Variants in PRKCI observed in about 807,000 individuals in gnomAD.
The protein encoded by PRKCI is protein kinase C iota type.
PRKCI carries 43 observed loss-of-function variants against 84.0 expected under a neutral mutation model. The ratio of observed to expected loss-of-function variants is 0.51; its 90% CI spans 0.40 to 0.66. The LOEUF (loss-of-function observed/expected upper bound fraction) is 0.66, where lower values mean the gene tolerates loss of function less well. Among genes scored for constraint, PRKCI ranks in the 30% least tolerant of loss-of-function variants. The pLI, the probability that PRKCI is intolerant of heterozygous loss-of-function variation, is 0.00. For synonymous variants in PRKCI, 216 were observed against 234.4 expected (o/e 0.92, Z 0.72); for missense variants, 459 against 745.6 (o/e 0.62, Z 4.48).
At chr3:170,301,956 A>G (rs1163496596) in intron 17 of PRKCI, among the ~76,000 whole-genome samples, 1 of 152,146 alleles carries the variant, frequency 6.6e-6, no homozygotes, top group Non-Finnish European at 1.5e-5. Context: ...TAATACAAAC[A>G]GTGTTCTGAT....
Position 170,284,487 on chromosome 3 carries a change from C to G in PRKCI, c.1094C>G (p.Ala365Gly), listed in dbSNP as rs770485461. 51 of 1,590,226 alleles carry G rather than the reference C, an allele frequency of 3.2e-5. No homozygotes were observed. Among genetic ancestry groups the G allele is most frequent in the Admixed American group, 3.2e-4 (19 of 59,650 alleles). The part of the protein sequence containing the change: ...ARFYSAEISL[A>G]LNYLHERGII... ...TTTTACTCTGCAGAAATCAGTCTAG[C>G]ATTAAATTATCTTCATGAGCGAGGG... Residue 365 changes from alanine to glycine, a missense_variant, in exon 12 of 18, where the codon GCA becomes GGA. This residue lies in a region of PRKCI where 209 missense variants were observed against 425.9 expected (regional missense o/e 0.49). Coordinates refer to ENST00000295797, the MANE Select transcript of PRKCI (RefSeq NM_002740.6).
chr3:170,235,113 A>G, intron 1 of PRKCI, 117 bp from the exon 2 acceptor site: 7 of 1,045,036 alleles, frequency 6.7e-6, no homozygotes, highest in Middle Eastern at 6.2e-4. Context: ...TGAAAGCAAT[A>G]CATGTTGATG....
At chr3:170,289,047 A>G (rs1734471087) in intron 12 of PRKCI, among the ~76,000 whole-genome samples, 1 of 152,194 alleles carries the variant, frequency 6.6e-6, no homozygotes, top group African/African-American at 2.4e-5. Context: ...TTTCATCAAC[A>G]GAGGAATTCT....
intron 2 of PRKCI, among the ~76,000 whole-genome samples, chr3:170,247,094 GAC>G (rs1230219644): frequency 6.6e-6 from 1 of 152,022 alleles, no homozygotes; most frequent in East Asian, 1.9e-4. Context: ...TTGTTTTGGA[GAC>G]AGAGTCTTTG....
At chr3:170,228,146 A>C (rs974838411) in intron 1 of PRKCI, among the ~76,000 whole-genome samples, 1 of 152,226 alleles carries the variant, frequency 6.6e-6, no homozygotes, top group Non-Finnish European at 1.5e-5. Flanking sequence ...AGAATGGAGC[A>C]ATTATTTATT....
intron 2 of PRKCI, among the ~76,000 whole-genome samples, chr3:170,242,902 G>C (rs140226107): frequency 0.037 from 5,658 of 151,936 alleles, 183 homozygotes; most frequent in East Asian, 0.085. Flanking sequence ...AACTCCAGAC[G>C]TCAGGTGATC....
At chr3:170,248,999 C>T (rs1412118375) in intron 2 of PRKCI, among the ~76,000 whole-genome samples, 4 of 151,960 alleles carry the variant, frequency 2.6e-5, no homozygotes, top group East Asian at 1.9e-4. Flanking sequence ...AGGTGCCCGC[C>T]GCCACGCTTG....
chr3:170,248,362 T>A (rs1445853477), intron 2 of PRKCI, among the ~76,000 whole-genome samples: 1 of 96,424 alleles, frequency 1.0e-5, no homozygotes, highest in Admixed American at 1.1e-4. Context: ...ACAAAAACAG[T>A]AGATATATTG....
At chr3:170,236,136 C>G (rs1732970355) in intron 2 of PRKCI, among the ~76,000 whole-genome samples, 1 of 149,156 alleles carries the variant, frequency 6.7e-6, no homozygotes, top group Non-Finnish European at 1.5e-5. Context: ...GAGTCTGGCT[C>G]TGTCGCCCAG....
chr3:170,233,785 A>T (rs1019396291), intron 1 of PRKCI, among the ~76,000 whole-genome samples: 3 of 152,126 alleles, frequency 2.0e-5, no homozygotes, highest in African/African-American at 7.2e-5. Flanking sequence ...CAGTGACGCA[A>T]TCACGGCTCA....
chr3:170,229,501 G>A (rs3794322), intron 1 of PRKCI, among the ~76,000 whole-genome samples: 3,251 of 152,212 alleles, frequency 0.021, 60 homozygotes, highest in East Asian at 0.1. Flanking sequence ...TGTTTTGTAG[G>A]GACGGGGCTG....
At chr3:170,256,229 C>G (rs1216168565) in intron 2 of PRKCI, among the ~76,000 whole-genome samples, 1 of 152,174 alleles carries the variant, frequency 6.6e-6, no homozygotes. Flanking sequence ...CCCTCCTCCT[C>G]CATATTTTGG....
intron 2 of PRKCI, among the ~76,000 whole-genome samples, chr3:170,257,662 ATTTTTTT>A (rs11362547): frequency 8.2e-6 from 1 of 121,790 alleles, no homozygotes; most frequent in Non-Finnish European, 1.7e-5. Context: ...GGGAAAGAGA[ATTTTTTT>A]TTTTTTTTTT....
At chr3:170,240,675 A>G (rs879345188) in intron 2 of PRKCI, among the ~76,000 whole-genome samples, 1 of 152,194 alleles carries the variant, frequency 6.6e-6, no homozygotes, top group Non-Finnish European at 1.5e-5. Context: ...TGGAGAAAAA[A>G]AATTCTCTAG....
At position 170,281,909 on chromosome 3, in the gene PRKCI, T is replaced by C; in HGVS notation, c.1008T>C (p.Asn336=). 6.2e-7 allele frequency: 1 copy of C among 1,611,324 alleles called. No individual in the cohort carries two copies. The highest frequency in any genetic ancestry group is 8.5e-7 in the Non-Finnish European group (1 of 1,178,728). ...SRLFFVIEYV[N]GGDLMFHMQR... is the part of the protein sequence containing the mutation. ...TGTTCTTTGTTATAGAGTATGTAAA[T>C]GGAGGAGACCTAATGTTTCATATGC... Residue 336 remains asparagine (N), a synonymous_variant, in exon 11 of 18, where the codon AAT becomes AAC. Coordinates refer to ENST00000295797, the MANE Select transcript of PRKCI (RefSeq NM_002740.6).
intron 1 of PRKCI, among the ~76,000 whole-genome samples, chr3:170,224,910 C>T (rs1000261847): frequency 1.3e-4 from 20 of 152,166 alleles, no homozygotes; most frequent in African/African-American, 4.6e-4. Context: ...TCTATTTTCC[C>T]ATTTGTATTA....
rs193157427 is a variant in PRKCI, at chr3:170,288,969, A to G, written c.1204-2885A>G. Among the ~76,000 whole-genome samples, 85 of 152,318 alleles carry G rather than the reference A, an allele frequency of 5.6e-4. 1 individual carries two copies. Among genetic ancestry groups the G allele is most frequent in the African/African-American group, 1.9e-3 (81 of 41,564 alleles). On this transcript the variant is annotated intron_variant, in intron 12 of 17. Transcript: ENST00000295797. ...TTTAGAGTTATGTTTGAAATATTTTATGAACGTTGATTTTATTAAGTGGCA... is the reference window on the plus strand; with the variant it reads ...TTTAGAGTTATGTTTGAAATATTTTGTGAACGTTGATTTTATTAAGTGGCA...
At chr3:170,242,346 G>A (rs1733155457) in intron 2 of PRKCI, among the ~76,000 whole-genome samples, 1 of 151,844 alleles carries the variant, frequency 6.6e-6, no homozygotes, top group African/African-American at 2.4e-5. Flanking sequence ...GGAGGCTGAG[G>A]CAAGAGGATT....
At chr3:170,264,260 T>C (rs1357132322) in intron 4 of PRKCI, among the ~76,000 whole-genome samples, 1 of 152,010 alleles carries the variant, frequency 6.6e-6, no homozygotes, top group East Asian at 1.9e-4. Context: ...GTTTTTTACT[T>C]AAACAGGTAT....
Sources: gnomAD v4.1 joint callset for allele counts (sites outside exome capture counted in the v4.1 genomes callset) on GRCh38, gnomAD v4.1.1 for gene constraint, gnomAD v4.1.1 regional missense constraint, MANE v1.5 for transcripts, NCBI Gene and HGNC (gene_info 2026-07-23, HGNC 2026-07-21) for gene names.